Variants in ABR observed in about 807,000 individuals in gnomAD.
The protein encoded by ABR is active breakpoint cluster region-related protein.
ABR carries 35 observed loss-of-function variants against 107.2 expected under a neutral mutation model. That is an observed-to-expected ratio of 0.33 (90% CI 0.25 to 0.43). ABR has a LOEUF of 0.43. Among genes scored for constraint, ABR ranks in the 20% least tolerant of loss-of-function variants. ABR has a pLI of 1.00. For synonymous variants in ABR, 498 were observed against 462.0 expected (o/e 1.08, Z -1.00); for missense variants, 815 against 1,115.2 (o/e 0.73, Z 3.83).
intron 16 of ABR, among the ~76,000 whole-genome samples, chr17:1,022,028 A>G (rs1003341504): frequency 1.4e-5 from 2 of 140,652 alleles, no homozygotes; most frequent in Non-Finnish European, 3.0e-5. Context: ...AATCACTTGA[A>G]CCCGGGAGGC....
At chr17:1,114,552 C>T (rs1433246478) in intron 2 of ABR, among the ~76,000 whole-genome samples, 1 of 152,020 alleles carries the variant, frequency 6.6e-6, no homozygotes, top group Non-Finnish European at 1.5e-5. Context: ...GCAGGCAGAT[C>T]ACCTGAGGTC....
chr17:1,064,945 C>G (rs1193956184), intron 10 of ABR, among the ~76,000 whole-genome samples: 125 of 102,512 alleles, frequency 1.2e-3, no homozygotes, highest in Non-Finnish European at 1.8e-3. Context: ...GAACTGAGGG[C>G]TATGCATGTT....
At position 1,078,880 on chromosome 17, in the gene ABR, CG is replaced by C. The variant is rs1567715291; in HGVS notation, c.700+449del. On this transcript the variant is annotated intron_variant, in intron 6 of 22. Transcript: ENST00000302538. This position sits in a 1 kb window ranked among gnomAD's most constrained non-coding sequence, Gnocchi z 7.5. Reference sequence around the variant, plus strand: ...TCCATGGCAGCCTCTGTCCCCGCGGCGGGAGCGTGCAGCCATCGCTCCAGGC... The same window carrying C: ...TCCATGGCAGCCTCTGTCCCCGCGGCGGAGCGTGCAGCCATCGCTCCAGGC... 2 of 1,535,430 alleles carry C rather than the reference CG, an allele frequency of 1.3e-6. No homozygotes were observed. Among genetic ancestry groups the C allele is most frequent in the South Asian group, 2.4e-5 (2 of 84,052 alleles).
rs1410169704 is a variant in ABR at position 1,148,828 on chromosome 17, G to GGCCACTGAT, written c.62-23470_62-23462dup. Among the ~76,000 whole-genome samples the GGCCACTGAT allele has an allele frequency of 1.3e-5, 2 of 152,158 alleles. No individual in the cohort carries two copies. Among genetic ancestry groups the GGCCACTGAT allele is most frequent in the Admixed American group, 1.3e-4 (2 of 15,276 alleles). On this transcript the variant is annotated intron_variant, in intron 1 of 22. Transcript: ENST00000302538. This position sits in a 1 kb window ranked among gnomAD's most constrained non-coding sequence, Gnocchi z 4.9. Reference sequence around the variant, plus strand: ...CGCACCAGAGTGTGAACGTGCCTCGGGCCACTGATGCGTACACTGGATGGA... The same window carrying GGCCACTGAT: ...CGCACCAGAGTGTGAACGTGCCTCGGGCCACTGATGCCACTGATGCGTACACTGGATGGA...
intron 22 of ABR, 33 bp downstream of exon 22, chr17:1,007,132 C>T (rs1450004883): frequency 4.2e-6 from 6 of 1,421,678 alleles, no homozygotes; most frequent in South Asian, 2.8e-5. Flanking sequence ...CGTCACCCTC[C>T]GCCAGCCACG....
rs993408068 is a variant in ABR at position 1,175,371 on chromosome 17, C to T, written c.61+4296G>A. On this transcript the variant is annotated intron_variant, in intron 1 of 22. Coordinates refer to ENST00000302538, the MANE Select transcript of ABR (RefSeq NM_021962.5). ...AGGTTGCAGTGAGCCGAGATCGCAC[C>T]GCCGCACTCCAGCCTGGGCGAGAGA... is the stretch of plus-strand genomic sequence containing the variant. 5.9e-5 allele frequency among the ~76,000 whole-genome samples: 9 copies of T among 152,266 alleles called. No individual in the cohort carries two copies. In the Middle Eastern group the frequency reaches 0.01, roughly 173 times the overall value.
At chr17:1,225,535 C>G (rs1010851095) in intron 1 of ABR, among the ~76,000 whole-genome samples, 1 of 152,028 alleles carries the variant, frequency 6.6e-6, no homozygotes, top group African/African-American at 2.4e-5. Flanking sequence ...TCTTGTCATC[C>G]CAGCTACTCA....
At chr17:1,087,719 C>T (rs2036708814) in intron 4 of ABR, among the ~76,000 whole-genome samples, 1 of 152,238 alleles carries the variant, frequency 6.6e-6, no homozygotes, top group Admixed American at 6.5e-5. Flanking sequence ...CACCGATATT[C>T]TTCCAGGAAA....
intron 14 of ABR, among the ~76,000 whole-genome samples, chr17:1,054,012 A>C (rs568670039): frequency 6.6e-6 from 1 of 152,256 alleles, no homozygotes; most frequent in South Asian, 2.1e-4. Context: ...AGACATCGAG[A>C]AGTGCCCAAA....
At chr17:1,053,998 G>A (rs991650605) in intron 14 of ABR, among the ~76,000 whole-genome samples, 25 of 152,182 alleles carry the variant, frequency 1.6e-4, no homozygotes, top group Admixed American at 5.2e-4. Flanking sequence ...TGGTGTTCCC[G>A]GCCAGACATC....
rs189762478 is a variant in ABR at position 1,072,768 on chromosome 17, G to A, written c.754-14C>T. On this transcript the variant is annotated splice_polypyrimidine_tract_variant and intron_variant, in intron 7 of 22. Transcript: ENST00000302538. ...CTTCAGCAGGTCCTGGGAAGGGTGAGGCGGTGAGTTGAGGGGAGCGGCTCT... is the reference window on the plus strand; with the variant it reads ...CTTCAGCAGGTCCTGGGAAGGGTGAAGCGGTGAGTTGAGGGGAGCGGCTCT... 4.2e-4 allele frequency: 672 copies of A among 1,611,574 alleles called. No individual in the cohort carries two copies. The African/African-American group carries it at 6.7e-3, about 16-fold the overall frequency.
upstream of ABR, among the ~76,000 whole-genome samples, chr17:1,191,354 C>CTTTTTT (rs761910557): frequency 2.1e-3 from 198 of 96,460 alleles, 2 homozygotes; most frequent in East Asian, 2.8e-3. Context: ...TTTTTCTTTT[C>CTTTTTT]TTTTTTTTTT....
intron 2 of ABR, among the ~76,000 whole-genome samples, chr17:1,122,201 C>A (rs528980828): frequency 6.6e-6 from 1 of 152,314 alleles, no homozygotes; most frequent in South Asian, 2.1e-4. Context: ...CCGCGCCCAG[C>A]CTGAGAGTAA....
chr17:1,167,219 G>C (rs2041547872), intron 1 of ABR, among the ~76,000 whole-genome samples: 1 of 151,912 alleles, frequency 6.6e-6, no homozygotes. Flanking sequence ...TGGCCCTTCT[G>C]CCCTCCTAAC....
rs970403689 is a variant in ABR at position 1,037,133 on chromosome 17, G to A, written c.1791+12917C>T. Among the ~76,000 whole-genome samples, 13 of 151,922 alleles carry A rather than the reference G, an allele frequency of 8.6e-5. No individual in the cohort carries two copies. The highest frequency in any genetic ancestry group is 2.9e-4 in the African/African-American group (12 of 41,456). ...CACCCACCCACCCATCCATCCAGGT[G>A]GGGCTGGGAGAGGGGTCCAGGGTGG... is the stretch of plus-strand genomic sequence containing the variant. On this transcript the variant is annotated intron_variant, in intron 16 of 22. Transcript: ENST00000302538. This position sits in a 1 kb window ranked among gnomAD's most constrained non-coding sequence, Gnocchi z 4.6.
At chr17:1,119,897 T>A (rs1389251675) in intron 2 of ABR, among the ~76,000 whole-genome samples, 2 of 147,578 alleles carry the variant, frequency 1.4e-5, no homozygotes, top group African/African-American at 5.0e-5. Flanking sequence ...TAATAGCTAT[T>A]ATTAAGAGAT....
chr17:1,160,199 A>G (rs1199525574), intron 1 of ABR, among the ~76,000 whole-genome samples: 1 of 151,992 alleles, frequency 6.6e-6, no homozygotes, highest in Non-Finnish European at 1.5e-5. Context: ...GGCTGCAGTG[A>G]GCTGAGATTA....
At position 1,056,075 on chromosome 17, in the gene ABR, A is replaced by G; in HGVS notation, c.1521T>C (p.His507=). The change falls in exon 14 of 23, where the codon CAT becomes CAC. Residue 507 remains histidine (H), a synonymous_variant. Transcript: ENST00000302538. ...ATCCCTTGGCAGAGTGGACGATGAC[A>G]TGAAGGAAGCCATAGAGTCCTGGAG... ...DESPGLYGFL[H]VIVHSAKGFK... The G allele has an allele frequency of 6.2e-7, 1 of 1,614,200 alleles. No homozygotes were observed. Among genetic ancestry groups the G allele is most frequent in the South Asian group, 1.1e-5 (1 of 91,090 alleles).
chr17:1,175,862 C>T (rs909237499), intron 1 of ABR, among the ~76,000 whole-genome samples: 4 of 151,988 alleles, frequency 2.6e-5, no homozygotes, highest in East Asian at 1.9e-4. Context: ...GAGGCCGAGG[C>T]GGGTGGATCA....
Sources: gnomAD v4.1 joint callset for allele counts (sites outside exome capture counted in the v4.1 genomes callset) on GRCh38, gnomAD v4.1.1 for gene constraint, Gnocchi (gnomAD v3.1) non-coding constraint, MANE v1.5 for transcripts, NCBI Gene and HGNC (gene_info 2026-07-23, HGNC 2026-07-21) for gene names.